Variants in AP4E1 observed in about 807,000 individuals in gnomAD.
AP4E1 encodes AP-4 complex subunit epsilon-1.
Under a neutral mutation model 128.2 loss-of-function variants are expected in AP4E1, and 56 were observed. That is an observed-to-expected ratio of 0.44 (90% CI 0.35 to 0.55). The LOEUF is 0.55. Ranked by LOEUF, AP4E1 falls within the 20% of genes least tolerant of loss-of-function variation. The pLI is 0.00. For synonymous variants in AP4E1, 484 were observed against 473.1 expected, an observed-to-expected ratio of 1.02 and a Z score of -0.30; for missense variants, 1,324 against 1,307.7, an observed-to-expected ratio of 1.01 and a Z score of -0.19.
chr15:50,918,571 A>G (rs2063656485), intron 3 of AP4E1, among the ~76,000 whole-genome samples: 1 of 152,226 alleles, frequency 6.6e-6, no homozygotes, highest in African/African-American at 2.4e-5. Flanking sequence ...TAAAATATGT[A>G]AAGCATTATG....
chr15:50,937,085 T>C (rs557029006), intron 8 of AP4E1, among the ~76,000 whole-genome samples: 2 of 152,372 alleles, frequency 1.3e-5, no homozygotes, highest in South Asian at 4.1e-4. Context: ...TGCTTTTCTC[T>C]ATATCTGTAT....
At chr15:50,959,483 A>G (rs929407490) in intron 14 of AP4E1, among the ~76,000 whole-genome samples, 3 of 152,178 alleles carry the variant, frequency 2.0e-5, no homozygotes, top group Non-Finnish European at 4.4e-5. Flanking sequence ...ACACAGCATA[A>G]AGGAGAAATA....
At chr15:50,924,655 T>A (rs2063747749) in intron 4 of AP4E1, among the ~76,000 whole-genome samples, 2 of 152,214 alleles carry the variant, frequency 1.3e-5, no homozygotes, top group African/African-American at 4.8e-5. Flanking sequence ...TTTTAGGTTC[T>A]ATTAGAATAG....
chr15:50,921,390 C>T (rs769214960), intron 3 of AP4E1, among the ~76,000 whole-genome samples: 53 of 151,962 alleles, frequency 3.5e-4, no homozygotes, highest in African/African-American at 1.3e-3. Context: ...GTTCTGTCAC[C>T]CAGGCTGGAG....
intron 10 of AP4E1, chr15:50,944,642 G>A (rs2064033212): frequency 1.2e-5 from 4 of 340,028 alleles, no homozygotes; most frequent in Admixed American, 4.4e-5. Flanking sequence ...CGTGGAGTCC[G>A]GCCAGAAGAG....
chr15:51,001,179 T>G lies in AP4E1; in HGVS notation c.3249T>G (p.Ile1083Met). 4 of 1,613,208 alleles carry G rather than the reference T, an allele frequency of 2.5e-6. No individual in the cohort carries two copies. The Middle Eastern group carries it at 5.0e-4, about 200-fold the overall frequency. The change falls in exon 20 of 21, where the codon ATT (isoleucine) becomes ATG (methionine). Residue 1083 changes from isoleucine to methionine, a missense_variant. Ile to Met is a conservative substitution (Grantham distance 10). Coordinates refer to ENST00000261842, the MANE Select transcript of AP4E1 (RefSeq NM_007347.5). Reference sequence around the variant, plus strand: ...AACTAAGACTCCATATTATTGAGATTATAGGTTTGTAGAGTTATAAAAAGG... The same window carrying G: ...AACTAAGACTCCATATTATTGAGATGATAGGTTTGTAGAGTTATAAAAAGG... Reference protein sequence around the residue: ...QQKLRLHIIEIIGNEGLLACQ... With the variant: ...QQKLRLHIIEMIGNEGLLACQ...
chr15:50,952,521 A>AG, intron 13 of AP4E1, among the ~76,000 whole-genome samples: 1 of 152,066 alleles, frequency 6.6e-6, no homozygotes, highest in East Asian at 1.9e-4. Context: ...AAAAAAAAAA[A>AG]AAAAAGAAGT....
In AP4E1 at chr15:50,925,234, T is replaced by C. The variant is rs748477356; in HGVS notation, c.542+15T>C. On this transcript the variant is annotated intron_variant, in intron 5 of 20. Transcript: ENST00000261842. ...CAACATTCTAAGTAAGTAAATTCTT[T>C]TGGGATAGGCATCTATGCCATATAT... 1.2e-6 allele frequency: 2 copies of C among 1,610,168 alleles called. No homozygotes were observed. The highest frequency in any genetic ancestry group is 1.7e-6 in the Non-Finnish European group (2 of 1,176,908).
At chr15:50,979,319 A>G (rs562027555) in intron 15 of AP4E1, among the ~76,000 whole-genome samples, 3 of 152,322 alleles carry the variant, frequency 2.0e-5, no homozygotes, top group East Asian at 3.9e-4. Context: ...AAAGCTGATC[A>G]GGCCATGAGG....
At chr15:50,996,751 A>G (rs773743998) in intron 17 of AP4E1, among the ~76,000 whole-genome samples, 21 of 152,212 alleles carry the variant, frequency 1.4e-4, no homozygotes, top group Non-Finnish European at 2.4e-4. Flanking sequence ...TTGCCATTCT[A>G]TCTCCTGAAT....
chr15:50,945,597 C>T (rs2064049016), intron 10 of AP4E1: 1 of 749,738 alleles, frequency 1.3e-6, no homozygotes, highest in Admixed American at 2.0e-5. Flanking sequence ...TTCCTATAGA[C>T]AAAAGTTGAA....
At chr15:50,979,823 C>G (rs1008620570) in intron 15 of AP4E1, among the ~76,000 whole-genome samples, 5 of 152,090 alleles carry the variant, frequency 3.3e-5, no homozygotes, top group Admixed American at 3.3e-4. Flanking sequence ...AATTTCTGTT[C>G]ATTATAAATT....
intron 7 of AP4E1, among the ~76,000 whole-genome samples, chr15:50,931,458 C>T (rs1372549668): frequency 2.0e-5 from 3 of 151,904 alleles, no homozygotes; most frequent in African/African-American, 4.8e-5. Flanking sequence ...CCTAGCTACT[C>T]GGGAGGCTGA....
At chr15:50,966,058 C>T (rs1459849652) in intron 14 of AP4E1, among the ~76,000 whole-genome samples, 3 of 152,096 alleles carry the variant, frequency 2.0e-5, no homozygotes, top group African/African-American at 7.2e-5. Context: ...GCTGGGACTA[C>T]AGGTGCGCGC....
intron 16 of AP4E1, among the ~76,000 whole-genome samples, chr15:50,985,586 G>C (rs2064709657): frequency 6.6e-6 from 1 of 152,046 alleles, no homozygotes; most frequent in South Asian, 2.1e-4. Context: ...CCCATTTCTT[G>C]TTTTTGTCAG....
chr15:50,960,858 TAAAC>T (rs1178181801), intron 14 of AP4E1, among the ~76,000 whole-genome samples: 1 of 148,058 alleles, frequency 6.8e-6, no homozygotes, highest in East Asian at 1.9e-4. Context: ...TTTTGAACAA[TAAAC>T]AAAATTGATA....
At chr15:50,969,436 G>A (rs1333356137) in intron 15 of AP4E1, among the ~76,000 whole-genome samples, 1 of 152,100 alleles carries the variant, frequency 6.6e-6, no homozygotes, top group Non-Finnish European at 1.5e-5. Flanking sequence ...CATATCTGTG[G>A]AAAAGTTTCA....
intron 3 of AP4E1, among the ~76,000 whole-genome samples, chr15:50,916,551 C>T (rs78874076): frequency 0.015 from 2,228 of 152,252 alleles, 70 homozygotes; most frequent in African/African-American, 0.052. Flanking sequence ...TTGATAATGT[C>T]ATGTCGTTAA....
chr15:50,985,770 C>T (rs1805296225), intron 16 of AP4E1, among the ~76,000 whole-genome samples: 1 of 152,116 alleles, frequency 6.6e-6, no homozygotes, highest in Admixed American at 6.5e-5. Context: ...GTTCTTTTGG[C>T]TTAGGATTGA....
Sources: allele counts gnomAD v4.1 joint callset (sites outside exome capture counted in the v4.1 genomes callset), GRCh38; gene constraint gnomAD v4.1.1; transcripts MANE v1.5; gene names NCBI Gene and HGNC (gene_info 2026-07-23, HGNC 2026-07-21).